The following NLGN1 variants were observed in gnomAD, a reference collection of about 807,000 sequenced individuals.
NLGN1 encodes the protein neuroligin-1.
A neutral mutation model predicts 65.5 loss-of-function variants in NLGN1; 12 were observed. The ratio of observed to expected loss-of-function variants is 0.18; its 90% CI spans 0.12 to 0.30. The LOEUF (loss-of-function observed/expected upper bound fraction) is 0.30, where lower values mean the gene tolerates loss of function less well. Ranked by LOEUF, NLGN1 falls within the 10% of genes least tolerant of loss-of-function variation. The pLI, the probability that NLGN1 is intolerant of heterozygous loss-of-function variation, is 1.00. For synonymous variants in NLGN1, 350 were observed against 359.5 expected, an observed-to-expected ratio of 0.97 and a Z score of 0.30; for missense variants, 750 against 1,007.1, an observed-to-expected ratio of 0.74 and a Z score of 3.46.
At chr3:173,667,269 G>T (rs1225807705) in intron 3 of NLGN1, among the ~76,000 whole-genome samples, 2 of 93,930 alleles carry the variant, frequency 2.1e-5, no homozygotes, top group African/African-American at 5.1e-5. Context: ...ACACACACAC[G>T]TACAGCACTG....
At chr3:173,828,216 C>T (rs985548819) in intron 4 of NLGN1, among the ~76,000 whole-genome samples, 12 of 152,088 alleles carry the variant, frequency 7.9e-5, no homozygotes, top group South Asian at 2.1e-4. Flanking sequence ...GAGTTGCTGT[C>T]ACATCATGTG....
chr3:174,092,528 A>G lies in NLGN1; in HGVS notation c.647-182787A>G, dbSNP rs116299946. ...GCCATTTGGCAATTATTAAAAAAAA[A>G]AAATGAAAGTAATACCAGTGATGGC... On this transcript the variant is annotated intron_variant, in intron 4 of 6. Transcript: ENST00000457714. Among the ~76,000 whole-genome samples, 981 of 152,292 alleles carry G rather than the reference A, an allele frequency of 6.4e-3. 12 individuals are homozygous for G. The highest frequency in any genetic ancestry group is 0.022 in the African/African-American group (921 of 41,560).
At chr3:173,550,634 TG>T (rs1740675401) in intron 2 of NLGN1, among the ~76,000 whole-genome samples, 1 of 31,732 alleles carries the variant, frequency 3.2e-5, no homozygotes, top group Non-Finnish European at 5.7e-5. Context: ...ATTTGTAACC[TG>T]CAATGTCTTT....
chr3:173,706,204 G>A (rs1307793718), intron 3 of NLGN1, among the ~76,000 whole-genome samples: 1 of 152,058 alleles, frequency 6.6e-6, no homozygotes, highest in South Asian at 2.1e-4. Context: ...GCTCATGTAA[G>A]TATATTTTAT....
At chr3:173,999,529 TTA>T (rs1722889820) in intron 4 of NLGN1, among the ~76,000 whole-genome samples, 1 of 152,172 alleles carries the variant, frequency 6.6e-6, no homozygotes, top group Admixed American at 6.5e-5. Flanking sequence ...TTGCTGAGAC[TTA>T]GATGATACAA....
intron 4 of NLGN1, among the ~76,000 whole-genome samples, chr3:174,223,687 T>C (rs1339972460): frequency 6.6e-6 from 1 of 152,166 alleles, no homozygotes; most frequent in Non-Finnish European, 1.5e-5. Context: ...TATGTACCTT[T>C]TTAATAAATG....
chr3:173,500,649 G>T (rs9852747), intron 2 of NLGN1, among the ~76,000 whole-genome samples: 4 of 152,218 alleles, frequency 2.6e-5, no homozygotes, highest in African/African-American at 9.6e-5. Flanking sequence ...CTTTGTACCT[G>T]TGGTAGAATT....
At chr3:174,052,465 A>C (rs1735118666) in intron 4 of NLGN1, among the ~76,000 whole-genome samples, 1 of 152,024 alleles carries the variant, frequency 6.6e-6, no homozygotes, top group South Asian at 2.1e-4. Flanking sequence ...CACTTTATAA[A>C]GTCAACAAGC....
chr3:173,682,236 ATTAT>A (rs1211727818), intron 3 of NLGN1, among the ~76,000 whole-genome samples: 1 of 152,140 alleles, frequency 6.6e-6, no homozygotes, highest in African/African-American at 2.4e-5. Context: ...AACTATTGTT[ATTAT>A]TTTCAAATTT....
chr3:174,099,195 G>A (rs1711830646), intron 4 of NLGN1, among the ~76,000 whole-genome samples: 5 of 152,144 alleles, frequency 3.3e-5, no homozygotes, highest in Admixed American at 3.3e-4. Context: ...GAACCCGTTT[G>A]CATTATTTAT....
chr3:173,735,118 G>T (rs1035653419), intron 3 of NLGN1, among the ~76,000 whole-genome samples: 8 of 152,056 alleles, frequency 5.3e-5, no homozygotes, highest in Non-Finnish European at 1.0e-4. Context: ...CTATTAATTT[G>T]CATGTCCATA....
chr3:174,255,758 A>C (rs1055096190), intron 4 of NLGN1, among the ~76,000 whole-genome samples: 2 of 151,874 alleles, frequency 1.3e-5, no homozygotes, highest in African/African-American at 2.4e-5. Flanking sequence ...TCCTGGGCTC[A>C]AATGATCCCC....
At chr3:174,253,798 T>A (rs1745182526) in intron 4 of NLGN1, among the ~76,000 whole-genome samples, 1 of 152,132 alleles carries the variant, frequency 6.6e-6, no homozygotes, top group Admixed American at 6.6e-5. Flanking sequence ...CCCTCTGAGC[T>A]GAAGATCCAT....
At chr3:174,239,743 T>C (rs538408322) in intron 4 of NLGN1, among the ~76,000 whole-genome samples, 49 of 152,272 alleles carry the variant, frequency 3.2e-4, no homozygotes, top group African/African-American at 1.1e-3. Context: ...TATCCAGCCT[T>C]AGATCTAAGA....
At chr3:173,484,567 A>G (rs976033746) in intron 2 of NLGN1, among the ~76,000 whole-genome samples, 1 of 152,180 alleles carries the variant, frequency 6.6e-6, no homozygotes, top group African/African-American at 2.4e-5. Flanking sequence ...TAAGCAAAAT[A>G]TTCATATTAA....
chr3:173,874,308 G>A (rs956673329), intron 4 of NLGN1, among the ~76,000 whole-genome samples: 4 of 152,068 alleles, frequency 2.6e-5, no homozygotes, highest in Non-Finnish European at 1.5e-5. Flanking sequence ...CCTGTTAGGC[G>A]GTCTGATGAA....
rs923779030 is a variant in NLGN1, at chr3:173,985,228, T to C, written c.646+177396T>C. Among the ~76,000 whole-genome samples, 5 of 152,212 alleles carry C rather than the reference T, an allele frequency of 3.3e-5. No homozygotes were observed. In the East Asian group the frequency reaches 7.7e-4, roughly 23 times the overall value. On this transcript the variant is annotated intron_variant, in intron 4 of 6. Coordinates refer to ENST00000457714, the Ensembl canonical transcript of NLGN1. ...CTTATTCACTGCTATATTTGTGAAA[T>C]AGAGAATTATGACAATTTGAACCTT...
chr3:174,226,429 TTTGGGGGTTGTTTGC>T (rs917861444), intron 4 of NLGN1, among the ~76,000 whole-genome samples: 7 of 152,228 alleles, frequency 4.6e-5, no homozygotes, highest in Middle Eastern at 3.4e-3. Context: ...TTCCAGTTGT[TTTGGGGGTTGTTTGC>T]TTGGTGGCAT....
intron 2 of NLGN1, among the ~76,000 whole-genome samples, chr3:173,478,675 C>T (rs750778819): frequency 9.9e-5 from 15 of 152,058 alleles, no homozygotes; most frequent in Admixed American, 2.0e-4. Flanking sequence ...AATCCCAGCA[C>T]TTTGGGAGGC....
Sources: gnomAD v4.1 joint callset for allele counts (sites outside exome capture counted in the v4.1 genomes callset) on GRCh38, gnomAD v4.1.1 for gene constraint, MANE v1.5 for transcripts, NCBI Gene and HGNC (gene_info 2026-07-23, HGNC 2026-07-21) for gene names.